Variants in UNC5A observed in about 807,000 individuals in gnomAD.
UNC5A encodes netrin receptor UNC5A.
In UNC5A, 20 loss-of-function variants were observed where a neutral mutation model predicts 87.4. The observed-to-expected ratio is 0.23, with a 90% CI of 0.16 to 0.33. The LOEUF (loss-of-function observed/expected upper bound fraction) is 0.33, where lower values mean the gene tolerates loss of function less well. Among genes scored for constraint, UNC5A ranks in the 10% least tolerant of loss-of-function variants. The pLI is 1.00. For missense variants in UNC5A, 844 were observed against 1,133.4 expected, an observed-to-expected ratio of 0.74 and a Z score of 3.67; for synonymous variants, 438 against 482.3, an observed-to-expected ratio of 0.91 and a Z score of 1.20.
At chr5:176,827,604 T>G (rs1452181651) in intron 1 of UNC5A, among the ~76,000 whole-genome samples, 1 of 152,230 alleles carries the variant, frequency 6.6e-6, no homozygotes, top group African/African-American at 2.4e-5. Context: ...ATAAGCTGTT[T>G]TGAACATTTG....
chr5:176,841,823 G>A lies in UNC5A; in HGVS notation c.71-20801G>A, dbSNP rs1012956307. Among the ~76,000 whole-genome samples the A allele has an allele frequency of 2.6e-5, 4 of 152,160 alleles. No homozygotes were observed. The highest frequency in any genetic ancestry group is 5.9e-5 in the Non-Finnish European group (4 of 68,022). ...AAATGGCCAACAATCATGAAAAAAG[G>A]CTCGACATCACTAATGATCAGGGAA... On this transcript the variant is annotated intron_variant, in intron 1 of 14. Transcript: ENST00000329542. This position sits in a 1 kb window ranked among gnomAD's most constrained non-coding sequence, Gnocchi z 4.1.
chr5:176,812,838 C>G (rs1756495903), intron 1 of UNC5A, among the ~76,000 whole-genome samples: 1 of 152,252 alleles, frequency 6.6e-6, no homozygotes, highest in East Asian at 1.9e-4. Context: ...TTTGGGACTC[C>G]CTTCCCCCTG....
chr5:176,837,679 T>C (rs1581253130), intron 1 of UNC5A, among the ~76,000 whole-genome samples: 1 of 152,208 alleles, frequency 6.6e-6, no homozygotes, highest in African/African-American at 2.4e-5. Flanking sequence ...CTAAGATGCC[T>C]TGGGCCCTTT....
At position 176,874,921 on chromosome 5, in the gene UNC5A, C is replaced by T. The variant is rs1405382215; in HGVS notation, c.1378+355C>T. Among the ~76,000 whole-genome samples, 1 of 152,234 alleles carries T rather than the reference C, an allele frequency of 6.6e-6. No individual in the cohort carries two copies. Among genetic ancestry groups the T allele is most frequent in the Non-Finnish European group, 1.5e-5 (1 of 68,036 alleles). ...GCAAACAGATGAGCACGGGCCTGGGCAGAGGCCATCCTGGAGTCCCCACTG... is the reference window on the plus strand; with the variant it reads ...GCAAACAGATGAGCACGGGCCTGGGTAGAGGCCATCCTGGAGTCCCCACTG... On this transcript the variant is annotated intron_variant, in intron 8 of 14. Transcript: ENST00000329542. The surrounding 1 kb of genome is among the most constrained non-coding windows in gnomAD (Gnocchi z 7.6).
intron 1 of UNC5A, among the ~76,000 whole-genome samples, chr5:176,858,752 AAGGAAGGAAGGAAGGAAGGAAG>A (rs1452033620): frequency 1.1e-4 from 14 of 130,036 alleles, no homozygotes; most frequent in African/African-American, 4.2e-4. Context: ...GGAAGGAAGG[AAGGAAGGAAGGAAGGAAGGAAG>A]GCAAGCAAGC....
Position 176,877,769 on chromosome 5 carries a change from T to A in UNC5A, c.1635+66T>A, listed in dbSNP as rs909710008. The A allele has an allele frequency of 4.6e-6, 7 of 1,528,446 alleles. No individual in the cohort carries two copies. In the African/African-American group the frequency reaches 9.6e-5, roughly 21 times the overall value. The allele number at this position is 1,528,446 out of a possible 1,614,324, so 94.7% of individuals were successfully genotyped here. A position where few individuals can be genotyped will look rare whatever the true frequency, so the allele number is the denominator to read the frequency against. ...GCTAACTGCACGCTCCACCCGGCCT[T>A]CCACCGCTGGGTGGTCCTGAGCCGC... On this transcript the variant is annotated intron_variant, in intron 10 of 14. Transcript: ENST00000329542.
chr5:176,878,464 A>C lies in UNC5A; in HGVS notation c.2020-11A>C, dbSNP rs1225447502. ...GGCTCACCTGACACCTCCTCTCTGC[A>C]TCCCCATCAGGAGATCCCCTTTTAT... On this transcript the variant is annotated splice_polypyrimidine_tract_variant and intron_variant, in intron 12 of 14. Transcript: ENST00000329542. 1 of 1,611,944 alleles carries C rather than the reference A, an allele frequency of 6.2e-7. No individual in the cohort carries two copies. Among genetic ancestry groups the C allele is most frequent in the South Asian group, 1.1e-5 (1 of 91,046 alleles).
At chr5:176,820,029 G>A (rs1210916872) in intron 1 of UNC5A, among the ~76,000 whole-genome samples, 7 of 152,206 alleles carry the variant, frequency 4.6e-5, no homozygotes, top group Non-Finnish European at 8.8e-5. Context: ...TTGGGAGGCC[G>A]AGGCGGGCGG....
intron 1 of UNC5A, among the ~76,000 whole-genome samples, chr5:176,858,774 GGC>G (rs1554098960): frequency 1.7e-5 from 1 of 58,922 alleles, no homozygotes; most frequent in African/African-American, 4.8e-5. Context: ...AAGGAAGGAA[GGC>G]AAGCAAGCAG....
At chr5:176,855,633 G>A (rs1757648890) in intron 1 of UNC5A, among the ~76,000 whole-genome samples, 1 of 152,218 alleles carries the variant, frequency 6.6e-6, no homozygotes, top group East Asian at 1.9e-4. Context: ...GGGATCCCTA[G>A]AGGCGAGGCC....
chr5:176,811,046 G>T (rs1364927749), intron 1 of UNC5A, among the ~76,000 whole-genome samples: 1 of 152,184 alleles, frequency 6.6e-6, no homozygotes, highest in Non-Finnish European at 1.5e-5. Flanking sequence ...CTGTCAGCCC[G>T]CGGGGCTGGC....
intron 1 of UNC5A, among the ~76,000 whole-genome samples, chr5:176,836,559 T>A: frequency 6.6e-6 from 1 of 151,658 alleles, no homozygotes; most frequent in South Asian, 2.1e-4. Context: ...AGAGTTGCGA[T>A]GAGAAGGGAG....
Position 176,847,700 on chromosome 5 carries a change from C to CG in UNC5A, c.71-14917dup, listed in dbSNP as rs770943759. On this transcript the variant is annotated intron_variant, in intron 1 of 14. Coordinates refer to ENST00000329542, the MANE Select transcript of UNC5A (RefSeq NM_133369.3). ...CCATAAATACCCACACAGAGAGACT[C>CG]GGGGGGGCCCACAGTATATTTTTAT... 1.8e-4 allele frequency among the ~76,000 whole-genome samples: 28 copies of CG among 152,080 alleles called. 1 individual carries two copies. The highest frequency in any genetic ancestry group is 9.6e-4 in the East Asian group (5 of 5,184).
chr5:176,876,314 A>T (rs1353739632), intron 8 of UNC5A, among the ~76,000 whole-genome samples: 1 of 152,216 alleles, frequency 6.6e-6, no homozygotes, highest in Non-Finnish European at 1.5e-5. Context: ...TGAAACGGTG[A>T]TACCAGCCCA....
At chr5:176,849,285 GA>G (rs960405855) in intron 1 of UNC5A, among the ~76,000 whole-genome samples, 50 of 151,748 alleles carry the variant, frequency 3.3e-4, no homozygotes, top group African/African-American at 1.0e-3. Context: ...TTCCCTTGGG[GA>G]AAAAAAAATC....
At chr5:176,856,348 C>G (rs1254408237) in intron 1 of UNC5A, among the ~76,000 whole-genome samples, 1 of 152,218 alleles carries the variant, frequency 6.6e-6, no homozygotes, top group East Asian at 1.9e-4. Context: ...TCCTGCCCGC[C>G]ACTCCGCCTG....
intron 1 of UNC5A, among the ~76,000 whole-genome samples, chr5:176,826,479 A>G (rs1475583533): frequency 6.6e-6 from 1 of 152,170 alleles, no homozygotes; most frequent in South Asian, 2.1e-4. Flanking sequence ...TTTGATGCAT[A>G]TATATTTTTT....
intron 1 of UNC5A, among the ~76,000 whole-genome samples, chr5:176,861,145 A>G (rs1301103485): frequency 6.6e-6 from 1 of 152,164 alleles, no homozygotes; most frequent in Non-Finnish European, 1.5e-5. Context: ...CCCCTATGAG[A>G]TTGCTGTGAG....
At position 176,866,214 on chromosome 5, in the gene UNC5A, G is replaced by A. The variant is rs895918492; in HGVS notation, c.293-1916G>A. ...GCTCCCAGGAACCAGGCTGCCTGAT[G>A]ATCCACAAGAGGAGAGCGCACAGCC... On this transcript the variant is annotated intron_variant, in intron 2 of 14. Transcript: ENST00000329542. The surrounding 1 kb of genome is among the most constrained non-coding windows in gnomAD (Gnocchi z 5.0). 2.6e-5 allele frequency among the ~76,000 whole-genome samples: 4 copies of A among 152,156 alleles called. No individual in the cohort carries two copies. The highest frequency in any genetic ancestry group is 9.7e-5 in the African/African-American group (4 of 41,436).
Sources: allele counts gnomAD v4.1 joint callset (sites outside exome capture counted in the v4.1 genomes callset), GRCh38; gene constraint gnomAD v4.1.1; non-coding constraint Gnocchi (gnomAD v3.1); transcripts MANE v1.5; gene names NCBI Gene and HGNC (gene_info 2026-07-23, HGNC 2026-07-21).